The following KMT2C variants were observed in gnomAD, a reference collection of about 807,000 sequenced individuals.
The protein encoded by KMT2C is lysine methyltransferase 2C, also known as histone-lysine N-methyltransferase 2C.
Under a neutral mutation model 507.9 loss-of-function variants are expected in KMT2C, and 88 were observed. The observed-to-expected ratio is 0.17, with a 90% CI of 0.15 to 0.21. The LOEUF (loss-of-function observed/expected upper bound fraction) is 0.21, where lower values mean the gene tolerates loss of function less well. KMT2C is among the 10% of genes least tolerant of loss of function. The pLI, the probability that KMT2C is intolerant of heterozygous loss-of-function variation, is 1.00. For synonymous variants in KMT2C, 2,049 were observed against 2,080.8 expected, an observed-to-expected ratio of 0.98 and a Z score of 0.42; for missense variants, 4,954 against 5,957.8, an observed-to-expected ratio of 0.83 and a Z score of 5.55.
chr7:152,209,007 A>G (rs1479845515), intron 23 of KMT2C, among the ~76,000 whole-genome samples: 1 of 151,968 alleles, frequency 6.6e-6, no homozygotes, highest in Non-Finnish European at 1.5e-5. Flanking sequence ...TAAAAATACA[A>G]AATTATCTGG....
At chr7:152,306,567 A>G (rs1206542464) in intron 6 of KMT2C, among the ~76,000 whole-genome samples, 1 of 152,224 alleles carries the variant, frequency 6.6e-6, no homozygotes, top group Non-Finnish European at 1.5e-5. Context: ...AAATAATACT[A>G]TAATTAATAA....
At chr7:152,228,637 T>A (rs2095010147) in intron 18 of KMT2C, among the ~76,000 whole-genome samples, 4 of 152,182 alleles carry the variant, frequency 2.6e-5, no homozygotes, top group Non-Finnish European at 5.9e-5. Context: ...AAATGGGAAT[T>A]CGGTAATTGT....
intron 1 of KMT2C, among the ~76,000 whole-genome samples, chr7:152,385,597 G>A (rs2097418183): frequency 1.6e-5 from 1 of 62,716 alleles, no homozygotes; most frequent in Non-Finnish European, 2.4e-5. Context: ...GGGCGACAGA[G>A]CGAGACTCCG....
intron 1 of KMT2C, among the ~76,000 whole-genome samples, chr7:152,371,294 C>T (rs1372305878): frequency 1.3e-5 from 2 of 152,064 alleles, no homozygotes; most frequent in Admixed American, 1.3e-4. Context: ...TTGTGGTATA[C>T]TGTTGAGGTT....
chr7:152,350,824 C>T (rs1212797835), intron 2 of KMT2C, among the ~76,000 whole-genome samples: 3 of 152,164 alleles, frequency 2.0e-5, no homozygotes, highest in Non-Finnish European at 4.4e-5. Context: ...AACATTTTTA[C>T]TTTATAAACT....
At chr7:152,350,504 C>G (rs141271647) in intron 2 of KMT2C, among the ~76,000 whole-genome samples, 113 of 152,266 alleles carry the variant, frequency 7.4e-4, no homozygotes, top group African/African-American at 2.6e-3. Flanking sequence ...CAAACCTGTA[C>G]AGCATGTTAC....
rs2116822302 is a variant in KMT2C at position 152,435,811 on chromosome 7, G to A, written c.-25C>T. ...TCCTAGTCACCAGGAAAGACACATG[G>A]ATCCCGGTCCTCCTCCTGGGGGGCT... On this transcript the variant is annotated 5_prime_UTR_variant, in exon 1 of 59. Coordinates refer to ENST00000262189, the MANE Select transcript of KMT2C (RefSeq NM_170606.3). 2 of 1,303,298 alleles carry A rather than the reference G, an allele frequency of 1.5e-6. No individual in the cohort carries two copies. The highest frequency in any genetic ancestry group is 1.8e-5 in the South Asian group (1 of 55,488). The allele number at this position is 1,303,298 out of a possible 1,614,324, so 80.7% of individuals were successfully genotyped here. A position where few individuals can be genotyped will look rare whatever the true frequency, so the allele number is the denominator to read the frequency against.
At chr7:152,347,013 G>A (rs2097066145) in intron 2 of KMT2C, among the ~76,000 whole-genome samples, 1 of 152,156 alleles carries the variant, frequency 6.6e-6, no homozygotes, top group South Asian at 2.1e-4. Flanking sequence ...TATAATCCCA[G>A]CTCAGGAGGC....
intron 28 of KMT2C, 145 bp downstream of exon 28, chr7:152,195,762 A>C (rs2093943529): frequency 2.0e-6 from 1 of 508,000 alleles, no homozygotes. Context: ...GAGGCAGATC[A>C]AAGAAAATGC....
chr7:152,192,537 T>A (rs1156742806), intron 31 of KMT2C, among the ~76,000 whole-genome samples: 2 of 149,396 alleles, frequency 1.3e-5, no homozygotes, highest in Non-Finnish European at 3.0e-5. Flanking sequence ...TGAGACTCTG[T>A]CTCAGAAAAA....
intron 2 of KMT2C, among the ~76,000 whole-genome samples, chr7:152,358,152 G>C (rs1483900178): frequency 6.6e-6 from 1 of 152,186 alleles, no homozygotes; most frequent in African/African-American, 2.4e-5. Context: ...CAACAGACCA[G>C]AAACTATTTG....
chr7:152,366,574 G>A (rs529811532), intron 1 of KMT2C, among the ~76,000 whole-genome samples: 1 of 152,330 alleles, frequency 6.6e-6, no homozygotes, highest in South Asian at 2.1e-4. Flanking sequence ...TGGAACGGTG[G>A]TTGCCAGAGG....
intron 39 of KMT2C, 75 bp downstream of exon 39, chr7:152,174,056 T>C (rs2093085561): frequency 2.5e-6 from 2 of 791,914 alleles, no homozygotes; most frequent in East Asian, 2.6e-5. Flanking sequence ...ATTTTCTGTA[T>C]GTTTTTTCTA....
intron 22 of KMT2C, among the ~76,000 whole-genome samples, chr7:152,221,127 G>T (rs1452088659): frequency 6.6e-6 from 1 of 152,096 alleles, no homozygotes; most frequent in Non-Finnish European, 1.5e-5. Flanking sequence ...CGTGGTGGCG[G>T]GCACCTGTAA....
chr7:152,354,912 G>C (rs1254371374), intron 2 of KMT2C, among the ~76,000 whole-genome samples: 1 of 152,180 alleles, frequency 6.6e-6, no homozygotes, highest in Admixed American at 6.5e-5. Flanking sequence ...GGAAGTAAAA[G>C]GCTCTCACTT....
chr7:152,371,711 T>G (rs2097294990), intron 1 of KMT2C, among the ~76,000 whole-genome samples: 1 of 152,036 alleles, frequency 6.6e-6, no homozygotes, highest in African/African-American at 2.4e-5. Flanking sequence ...CCTCCCAGGT[T>G]CAAGCAGTTC....
intron 39 of KMT2C, among the ~76,000 whole-genome samples, chr7:152,171,986 A>T (rs2129109108): frequency 6.6e-6 from 1 of 152,362 alleles, no homozygotes; most frequent in East Asian, 1.9e-4. Context: ...TCACAGAAGC[A>T]TTACTGCTTA....
chr7:152,320,591 TCAG>T (rs540397149), intron 3 of KMT2C, among the ~76,000 whole-genome samples: 16,525 of 151,864 alleles, frequency 0.11, 2,183 homozygotes, highest in African/African-American at 0.31. Flanking sequence ...CCTGAGTTTC[TCAG>T]AACAAAACTG....
chr7:152,262,307 G>A (rs1226257706), intron 9 of KMT2C, among the ~76,000 whole-genome samples: 7 of 152,198 alleles, frequency 4.6e-5, no homozygotes, highest in African/African-American at 1.4e-4. Flanking sequence ...GGAAAAACCC[G>A]CTCCAGGCCC....
Sources: gnomAD v4.1 joint callset for allele counts (sites outside exome capture counted in the v4.1 genomes callset) on GRCh38, gnomAD v4.1.1 for gene constraint, MANE v1.5 for transcripts, NCBI Gene and HGNC (gene_info 2026-07-23, HGNC 2026-07-21) for gene names.